ITSN1: variants seen among roughly 807,000 people sequenced by gnomAD.
ITSN1 encodes the protein intersectin-1.
Under a neutral mutation model 239.8 loss-of-function variants are expected in ITSN1, and 58 were observed. That is an observed-to-expected ratio of 0.24 (90% CI 0.20 to 0.30). The LOEUF is 0.30. Ranked by LOEUF, ITSN1 falls within the 10% of genes least tolerant of loss-of-function variation. ITSN1 has a pLI of 1.00. For synonymous variants in ITSN1, 780 were observed against 770.8 expected, an observed-to-expected ratio of 1.01 and a Z score of -0.20; for missense variants, 1,558 against 2,103.3, an observed-to-expected ratio of 0.74 and a Z score of 5.07.
Position 33,797,897 on chromosome 21 carries a change from C to T in ITSN1, c.2182+289C>T, listed in dbSNP as rs931173161. ...AGTGGTCTTATATGCTGCAAAAGAA[C>T]CTGCTGTTTCTCTGGTTTGTTATTT... On this transcript the variant is annotated intron_variant, in intron 18 of 39. Coordinates refer to ENST00000381318, the MANE Select transcript of ITSN1 (RefSeq NM_003024.3). The surrounding 1 kb of genome is among the most constrained non-coding windows in gnomAD (Gnocchi z 4.9). Among the ~76,000 whole-genome samples the T allele has an allele frequency of 6.6e-6, 1 of 152,110 alleles. No homozygotes were observed. Among genetic ancestry groups the T allele is most frequent in the Non-Finnish European group, 1.5e-5 (1 of 68,024 alleles).
intron 22 of ITSN1, 145 bp downstream of exon 22, chr21:33,814,217 A>G: frequency 3.0e-6 from 2 of 676,098 alleles, no homozygotes; most frequent in South Asian, 2.1e-5. Flanking sequence ...CCAGTGCAGG[A>G]GCCAGAAATC....
rs1197933034 is a variant in ITSN1 at position 33,897,169 on chromosome 21, A to C, written c.*8869A>C. 6.6e-6 allele frequency: 1 copy of C among 152,260 alleles called. No homozygotes were observed. Among genetic ancestry groups the C allele is most frequent in the Non-Finnish European group, 1.5e-5 (1 of 68,042 alleles). The allele number at this position is 152,260 out of a possible 1,614,324, so 9.4% of individuals were successfully genotyped here. A position where few individuals can be genotyped will look rare whatever the true frequency, so the allele number is the denominator to read the frequency against. Reference sequence around the variant, plus strand: ...AGCAAGATCTATGTTAATGCTACTTAATTTTAGACATGCATTTAAAGCCTA... The same window carrying C: ...AGCAAGATCTATGTTAATGCTACTTCATTTTAGACATGCATTTAAAGCCTA... On this transcript the variant is annotated 3_prime_UTR_variant, in exon 40 of 40. Transcript: ENST00000381318.
intron 29 of ITSN1, among the ~76,000 whole-genome samples, chr21:33,851,118 T>G (rs1413306794): frequency 1.3e-5 from 2 of 152,200 alleles, no homozygotes; most frequent in African/African-American, 4.8e-5. Flanking sequence ...TCTGAACATT[T>G]GTTCTGGCAT....
intron 1 of ITSN1, among the ~76,000 whole-genome samples, chr21:33,692,776 CTT>C (rs925839934): frequency 1.4e-5 from 2 of 146,500 alleles, no homozygotes. Flanking sequence ...TAATCTATTT[CTT>C]TTTTTTTTTC....
chr21:33,864,034 G>A (rs1043076076), intron 31 of ITSN1, among the ~76,000 whole-genome samples: 1 of 152,136 alleles, frequency 6.6e-6, no homozygotes, highest in Non-Finnish European at 1.5e-5. Context: ...CCGGTCCAAG[G>A]GACTTTATTT....
chr21:33,777,694 A>G (rs1341183068), intron 14 of ITSN1, among the ~76,000 whole-genome samples: 1 of 152,160 alleles, frequency 6.6e-6, no homozygotes, highest in East Asian at 1.9e-4. Flanking sequence ...GCTATTGTAT[A>G]TTGCATATTT....
intron 1 of ITSN1, among the ~76,000 whole-genome samples, chr21:33,665,455 T>C (rs2089868366): frequency 6.6e-6 from 1 of 152,148 alleles, no homozygotes; most frequent in Non-Finnish European, 1.5e-5. Flanking sequence ...ACCATTAGTA[T>C]GGCTATCATT....
chr21:33,661,356 A>G (rs2089542919), intron 1 of ITSN1, among the ~76,000 whole-genome samples: 2 of 152,200 alleles, frequency 1.3e-5, no homozygotes, highest in African/African-American at 2.4e-5. Context: ...TACAAGCATT[A>G]AGCATGTGTA....
intron 14 of ITSN1, among the ~76,000 whole-genome samples, chr21:33,777,644 C>T (rs899249568): frequency 1.3e-5 from 2 of 152,128 alleles, no homozygotes; most frequent in African/African-American, 2.4e-5. Flanking sequence ...CTTGTAGATA[C>T]TTTGTAAAGT....
intron 21 of ITSN1, among the ~76,000 whole-genome samples, chr21:33,811,857 A>T (rs772681721): frequency 1.3e-5 from 2 of 152,350 alleles, no homozygotes; most frequent in Middle Eastern, 3.4e-3. Context: ...CTAGATGAGC[A>T]ATTGTCTAAA....
intron 29 of ITSN1, among the ~76,000 whole-genome samples, chr21:33,849,770 G>C (rs1181342435): frequency 6.6e-6 from 1 of 152,044 alleles, no homozygotes; most frequent in Non-Finnish European, 1.5e-5. Context: ...GCTCAGGTGC[G>C]CCATAAATAT....
chr21:33,856,303 T>A (rs911771819), intron 29 of ITSN1, among the ~76,000 whole-genome samples: 3 of 152,140 alleles, frequency 2.0e-5, no homozygotes, highest in African/African-American at 7.2e-5. Flanking sequence ...CGGGGGGACT[T>A]AAAACAATAA....
intron 1 of ITSN1, among the ~76,000 whole-genome samples, chr21:33,681,815 C>T (rs374117079): frequency 5.3e-5 from 8 of 151,624 alleles, no homozygotes; most frequent in South Asian, 4.2e-4. Flanking sequence ...GGACTACAGG[C>T]GCCCACCACT....
At chr21:33,792,341 A>T (rs964975118) in intron 16 of ITSN1, among the ~76,000 whole-genome samples, 2 of 152,130 alleles carry the variant, frequency 1.3e-5, no homozygotes, top group African/African-American at 4.8e-5. Flanking sequence ...AGTAGCTGGG[A>T]CTGCAGGCGC....
intron 11 of ITSN1, 35 bp downstream of exon 11, chr21:33,767,863 G>C (rs1447865562): frequency 8.6e-7 from 1 of 1,161,320 alleles, no homozygotes; most frequent in Non-Finnish European, 1.3e-6. Context: ...AAATCATTTA[G>C]ATTAAACGAA....
At chr21:33,819,178 G>A (rs916253953) in intron 23 of ITSN1, 63 bp from the exon 24 acceptor site, 2 of 1,228,604 alleles carry the variant, frequency 1.6e-6, no homozygotes, top group African/African-American at 3.0e-5. Flanking sequence ...AGAAAAATCA[G>A]TGTCATTGTA....
chr21:33,650,028 CAG>C (rs1429734298), intron 1 of ITSN1, among the ~76,000 whole-genome samples: 3 of 107,328 alleles, frequency 2.8e-5, no homozygotes, highest in South Asian at 2.8e-4. Context: ...GACTCTGTCT[CAG>C]AAAAAAAAAA....
At chr21:33,887,898 G>A (rs1986036432) in intron 39 of ITSN1, among the ~76,000 whole-genome samples, 1 of 151,900 alleles carries the variant, frequency 6.6e-6, no homozygotes, top group Non-Finnish European at 1.5e-5. Context: ...GCGAGCCACT[G>A]TGCCCGGCCA....
At chr21:33,822,921 TGGCACAATAG>T (rs986176425) in intron 24 of ITSN1, among the ~76,000 whole-genome samples, 1 of 152,240 alleles carries the variant, frequency 6.6e-6, no homozygotes, top group African/African-American at 2.4e-5. Flanking sequence ...ATTGTGTATA[TGGCACAATAG>T]GACATAAGTT....
Sources: allele counts gnomAD v4.1 joint callset (sites outside exome capture counted in the v4.1 genomes callset), GRCh38; gene constraint gnomAD v4.1.1; non-coding constraint Gnocchi (gnomAD v3.1); transcripts MANE v1.5; gene names NCBI Gene and HGNC (gene_info 2026-07-23, HGNC 2026-07-21).